Variants in NCKAP5 observed in about 807,000 individuals in gnomAD.
The protein encoded by NCKAP5 is NCK associated protein 5, also known as nck-associated protein 5.
NCKAP5 carries 92 observed loss-of-function variants against 167.0 expected under a neutral mutation model. That is an observed-to-expected ratio of 0.55 (90% CI 0.47 to 0.66). The LOEUF (loss-of-function observed/expected upper bound fraction) is 0.66, where lower values mean the gene tolerates loss of function less well. Among genes scored for constraint, NCKAP5 ranks in the 30% least tolerant of loss-of-function variants. The pLI is 0.00. For synonymous variants in NCKAP5, 891 were observed against 877.4 expected (o/e 1.02, Z -0.27); for missense variants, 2,378 against 2,315.0 (o/e 1.03, Z -0.56).
At chr2:133,314,715 G>GT (rs1216352234) in intron 3 of NCKAP5, among the ~76,000 whole-genome samples, 3 of 152,194 alleles carry the variant, frequency 2.0e-5, no homozygotes, top group Non-Finnish European at 4.4e-5. Context: ...CTGCATGAAG[G>GT]TAACATTTTT....
intron 15 of NCKAP5, among the ~76,000 whole-genome samples, chr2:132,775,329 A>G (rs929702581): frequency 6.6e-6 from 1 of 152,220 alleles, no homozygotes; most frequent in African/African-American, 2.4e-5. Flanking sequence ...TGCAGTTTCA[A>G]TATTAGAATG....
intron 3 of NCKAP5, among the ~76,000 whole-genome samples, chr2:133,504,139 T>C (rs1238823787): frequency 1.3e-5 from 2 of 151,992 alleles, no homozygotes; most frequent in East Asian, 2.0e-4. Flanking sequence ...TTTTTGAAAA[T>C]TAAATCCAAT....
chr2:133,188,501 G>C (rs147810088), intron 5 of NCKAP5, among the ~76,000 whole-genome samples: 1,855 of 151,854 alleles, frequency 0.012, 43 homozygotes, highest in African/African-American at 0.042. Context: ...ACACCATATC[G>C]CACTTATTCC....
intron 3 of NCKAP5, among the ~76,000 whole-genome samples, chr2:133,401,218 G>T (rs62177670): frequency 0.23 from 34,591 of 152,144 alleles, 3,950 homozygotes; most frequent in East Asian, 0.28. Context: ...TTGAGGTTCT[G>T]GCAGGTTGGT....
Position 132,928,898 on chromosome 2 carries a change from A to G in NCKAP5, c.579+34822T>C, listed in dbSNP as rs76975150. Among the ~76,000 whole-genome samples the G allele has an allele frequency of 8.5e-3, 1,298 of 152,226 alleles. 10 individuals are homozygous for G. Among genetic ancestry groups the G allele is most frequent in the Middle Eastern group, 0.027 (8 of 294 alleles). On this transcript the variant is annotated intron_variant, in intron 8 of 19. Transcript: ENST00000409261. Reference sequence around the variant, plus strand: ...CACTTTGAGAGACCAAGGCAGGAGAACAGCTGGAGGCCAGGAGTTCAAGAT... The same window carrying G: ...CACTTTGAGAGACCAAGGCAGGAGAGCAGCTGGAGGCCAGGAGTTCAAGAT...
At chr2:133,135,244 T>C (rs147523597) in intron 5 of NCKAP5, among the ~76,000 whole-genome samples, 1 of 152,226 alleles carries the variant, frequency 6.6e-6, no homozygotes, top group Non-Finnish European at 1.5e-5. Context: ...GAGACCTCTG[T>C]GATGACCAGG....
chr2:133,098,433 A>G (rs1356616258), intron 6 of NCKAP5, among the ~76,000 whole-genome samples: 1 of 152,190 alleles, frequency 6.6e-6, no homozygotes, highest in Non-Finnish European at 1.5e-5. Context: ...GTGAGTACCA[A>G]GAGAATTAAA....
chr2:133,284,465 A>T (rs1574600477), intron 4 of NCKAP5, among the ~76,000 whole-genome samples: 1 of 152,368 alleles, frequency 6.6e-6, no homozygotes, highest in Middle Eastern at 3.4e-3. Flanking sequence ...TGAAGTTGAC[A>T]TCAAAGAAGT....
chr2:132,871,117 A>T (rs369446398), intron 9 of NCKAP5, among the ~76,000 whole-genome samples: 1 of 152,188 alleles, frequency 6.6e-6, no homozygotes, highest in African/African-American at 2.4e-5. Flanking sequence ...AATAAACTAT[A>T]CTTTCATTAA....
chr2:133,525,680 C>T (rs1292156688), intron 2 of NCKAP5, among the ~76,000 whole-genome samples: 1 of 152,092 alleles, frequency 6.6e-6, no homozygotes, highest in Non-Finnish European at 1.5e-5. Context: ...TACAATTCAG[C>T]GTCAACCCTT....
At position 133,044,428 on chromosome 2, in the gene NCKAP5, C is replaced by A. The variant is rs142670733; in HGVS notation, c.342-50189G>T. Among the ~76,000 whole-genome samples, 1,364 of 152,128 alleles carry A rather than the reference C, an allele frequency of 9.0e-3. 18 individuals are homozygous for A. The highest frequency in any genetic ancestry group is 0.031 in the African/African-American group (1,307 of 41,502). ...AATATAAGAAAAACACATGAACGGG[C>A]ACCTCAAAGAAGAGGTACTTTAAAT... On this transcript the variant is annotated intron_variant, in intron 6 of 19. Coordinates refer to ENST00000409261, the MANE Select transcript of NCKAP5 (RefSeq NM_207363.3).
the NCKAP5 span, among the ~76,000 whole-genome samples, chr2:133,574,491 C>T: frequency 6.6e-6 from 1 of 152,156 alleles, no homozygotes; most frequent in Non-Finnish European, 1.5e-5. Flanking sequence ...CCCTGAGTTC[C>T]TCCTTTCATG....
intron 5 of NCKAP5, among the ~76,000 whole-genome samples, chr2:133,157,394 G>A (rs571652432): frequency 6.6e-6 from 1 of 152,292 alleles, no homozygotes; most frequent in South Asian, 2.1e-4. Context: ...CCTACCAGAG[G>A]GCATTAATAC....
At chr2:133,488,528 A>G (rs79512818) in intron 3 of NCKAP5, among the ~76,000 whole-genome samples, 4,904 of 152,274 alleles carry the variant, frequency 0.032, 106 homozygotes, top group Admixed American at 0.073. Context: ...CAGTCTAGGC[A>G]TATGGAGTGT....
At chr2:133,532,445 T>C (rs1316926755) in intron 2 of NCKAP5, among the ~76,000 whole-genome samples, 1 of 152,172 alleles carries the variant, frequency 6.6e-6, no homozygotes, top group Non-Finnish European at 1.5e-5. Flanking sequence ...CTGTAGCAAT[T>C]TATACTTATA....
At chr2:133,229,306 AC>A (rs973995621) in intron 4 of NCKAP5, among the ~76,000 whole-genome samples, 3 of 152,218 alleles carry the variant, frequency 2.0e-5, no homozygotes, top group Non-Finnish European at 4.4e-5. Context: ...GTGAGAGAGA[AC>A]AAAATAAGAA....
intron 2 of NCKAP5, among the ~76,000 whole-genome samples, chr2:133,519,456 GT>G (rs1373211551): frequency 6.6e-6 from 1 of 152,108 alleles, no homozygotes; most frequent in African/African-American, 2.4e-5. Context: ...ACTTTCAGCT[GT>G]TCCTGCCTAC....
the NCKAP5 span, among the ~76,000 whole-genome samples, chr2:133,667,272 A>G: frequency 1.3e-5 from 2 of 152,020 alleles, no homozygotes; most frequent in Non-Finnish European, 2.9e-5. Flanking sequence ...CTCTGAAACT[A>G]GGGCTGATAA....
At chr2:133,072,231 G>T (rs143301053) in intron 6 of NCKAP5, among the ~76,000 whole-genome samples, 191 of 152,198 alleles carry the variant, frequency 1.3e-3, no homozygotes, top group African/African-American at 4.4e-3. Context: ...GATTACAGCT[G>T]TGCACCATCA....
Sources: allele counts gnomAD v4.1 joint callset (sites outside exome capture counted in the v4.1 genomes callset), GRCh38; gene constraint gnomAD v4.1.1; transcripts MANE v1.5; gene names NCBI Gene and HGNC (gene_info 2026-07-23, HGNC 2026-07-21).